ATXN7: variants seen among roughly 807,000 people sequenced by gnomAD.
ATXN7 encodes ataxin-7.
In ATXN7, 12 loss-of-function variants were observed where a neutral mutation model predicts 70.5. The ratio of observed to expected loss-of-function variants is 0.17; its 90% CI spans 0.11 to 0.28. ATXN7 has a LOEUF of 0.28. ATXN7 is among the 10% of genes least tolerant of loss of function. The pLI is 1.00. For synonymous variants in ATXN7, 498 were observed against 448.7 expected (o/e 1.11, Z -1.39); for missense variants, 1,256 against 1,131.7 (o/e 1.11, Z -1.58).
chr3:63,954,692 A>T (rs2075010919), intron 5 of ATXN7, among the ~76,000 whole-genome samples: 1 of 150,854 alleles, frequency 6.6e-6, no homozygotes, highest in Non-Finnish European at 1.5e-5. Context: ...TACGGGTAGG[A>T]AAAAGTGTTT....
At chr3:63,879,555 G>A (rs1422483152) in intron 1 of ATXN7, among the ~76,000 whole-genome samples, 3 of 149,658 alleles carry the variant, frequency 2.0e-5, no homozygotes, top group Admixed American at 6.7e-5. Flanking sequence ...ACAGTGGCGC[G>A]ATCTCGGCTC....
intron 1 of ATXN7, chr3:63,878,332 C>A (rs1389775591): frequency 6.6e-6 from 1 of 152,186 alleles, no homozygotes; most frequent in African/African-American, 2.4e-5. Flanking sequence ...TTATTCTTGA[C>A]AAGTAACAGA....
chr3:63,968,094 A>G lies in ATXN7; in HGVS notation c.500-11821A>G, dbSNP rs1280518855. 5 of 823,140 alleles carry G rather than the reference A, an allele frequency of 6.1e-6. No homozygotes were observed. In the East Asian group the frequency reaches 1.4e-4, roughly 22 times the overall value. 51.0% of individuals were successfully genotyped at this position (823,140 alleles called of 1,614,324 possible). ...TTACATAGAACCAAGCAGATTTGGG[A>G]AGAGTTTATGCAGGCCTTTTTCCTC... is the stretch of plus-strand genomic sequence containing the variant. On this transcript the variant is annotated intron_variant, in intron 5 of 12. Transcript: ENST00000674280.
intron 5 of ATXN7, chr3:63,968,017 A>C (rs1159452568): frequency 6.8e-7 from 1 of 1,471,576 alleles, no homozygotes; most frequent in African/African-American, 1.4e-5. Context: ...GGCTTGGCTC[A>C]GGGCCCAGCT....
chr3:63,987,161 A>T (rs1372742278), intron 8 of ATXN7, among the ~76,000 whole-genome samples: 2 of 152,194 alleles, frequency 1.3e-5, no homozygotes, highest in African/African-American at 4.8e-5. Flanking sequence ...TAGCAATAGT[A>T]TTAGGCTTAT....
intron 4 of ATXN7, among the ~76,000 whole-genome samples, chr3:63,934,426 T>C (rs1401218596): frequency 6.6e-6 from 1 of 152,096 alleles, no homozygotes; most frequent in East Asian, 1.9e-4. Flanking sequence ...GGAGAAATCA[T>C]ACAGTCATCC....
intron 5 of ATXN7, among the ~76,000 whole-genome samples, chr3:63,962,199 A>G (rs1240928805): frequency 6.6e-6 from 1 of 152,150 alleles, no homozygotes; most frequent in Non-Finnish European, 1.5e-5. Context: ...CTTCAAAGTA[A>G]TTTTATACCT....
In ATXN7 at chr3:63,988,174, C is replaced by G; in HGVS notation, c.1211C>G (p.Ser404Cys). Residue 404 changes from serine to cysteine, a missense_variant, in exon 9 of 13, where the codon TCT becomes TGT. Coordinates refer to ENST00000674280, the MANE Select transcript of ATXN7 (RefSeq NM_001377405.1). ...REKELIRHPD[S>C]QQPPQPLRDP... is the part of the protein sequence containing the mutation. ...AAGGAATTGATTCGCCATCCGGACT[C>G]TCAGCAACCACCGCAGCCTCTCAGG... 6.2e-7 allele frequency: 1 copy of G among 1,614,042 alleles called. No homozygotes were observed. Among genetic ancestry groups the G allele is most frequent in the Non-Finnish European group, 8.5e-7 (1 of 1,179,990 alleles).
intron 12 of ATXN7, chr3:63,998,298 T>TA: frequency 1.0e-6 from 1 of 985,304 alleles, no homozygotes; most frequent in South Asian, 4.7e-5. Flanking sequence ...TTACCAGTTT[T>TA]AAAGAGAGGC....
chr3:63,978,318 A>G lies in ATXN7; in HGVS notation c.500-1597A>G, dbSNP rs143977985. 5.9e-5 allele frequency among the ~76,000 whole-genome samples: 9 copies of G among 152,282 alleles called. No individual in the cohort carries two copies. The East Asian group carries it at 1.7e-3, about 29-fold the overall frequency. ...CACTCCTTTTCACAAGAAAAGCTTT[A>G]CTAGTCATGCAGAAGTTAATTGAAG... On this transcript the variant is annotated intron_variant, in intron 5 of 12. Transcript: ENST00000674280.
intron 11 of ATXN7, among the ~76,000 whole-genome samples, chr3:63,994,745 T>G (rs955066616): frequency 6.6e-6 from 1 of 152,222 alleles, no homozygotes; most frequent in Non-Finnish European, 1.5e-5. Flanking sequence ...TTTTGTCTTC[T>G]GCCACCTCGG....
intron 1 of ATXN7, among the ~76,000 whole-genome samples, chr3:63,876,461 C>T (rs1165160947): frequency 6.6e-6 from 1 of 152,040 alleles, no homozygotes; most frequent in Non-Finnish European, 1.5e-5. Context: ...AAAGGAATCG[C>T]TTGTTCAAAT....
At chr3:63,961,450 C>G (rs139234571) in intron 5 of ATXN7, among the ~76,000 whole-genome samples, 1 of 152,126 alleles carries the variant, frequency 6.6e-6, no homozygotes, top group Admixed American at 6.6e-5. Flanking sequence ...TATTGATTCT[C>G]CGCATGGAAC....
chr3:63,977,477 C>T (rs1274047265), intron 5 of ATXN7, among the ~76,000 whole-genome samples: 2 of 152,174 alleles, frequency 1.3e-5, no homozygotes, highest in Non-Finnish European at 2.9e-5. Flanking sequence ...CACAGACATG[C>T]TGTTCCTTTA....
At chr3:63,871,640 G>A (rs567298062) in intron 1 of ATXN7, among the ~76,000 whole-genome samples, 2 of 152,072 alleles carry the variant, frequency 1.3e-5, no homozygotes, top group South Asian at 4.2e-4. Flanking sequence ...TCTTTAAAAA[G>A]AATGATGCAG....
At chr3:63,871,497 A>C (rs776714246) in intron 1 of ATXN7, among the ~76,000 whole-genome samples, 31 of 152,354 alleles carry the variant, frequency 2.0e-4, no homozygotes, top group Admixed American at 3.9e-4. Flanking sequence ...CAGTTGGTGA[A>C]GTATGCACAG....
At chr3:63,929,084 G>A (rs1365775183) in intron 4 of ATXN7, among the ~76,000 whole-genome samples, 1 of 152,048 alleles carries the variant, frequency 6.6e-6, no homozygotes, top group African/African-American at 2.4e-5. Flanking sequence ...AAATCCTAAT[G>A]GTTAGTTGAG....
chr3:63,883,803 C>G (rs1702991811), intron 1 of ATXN7, among the ~76,000 whole-genome samples: 1 of 151,914 alleles, frequency 6.6e-6, no homozygotes, highest in African/African-American at 2.4e-5. Context: ...GAATAGCAAA[C>G]AAGTAGCATT....
chr3:63,910,027 G>C (rs561244229), intron 2 of ATXN7, among the ~76,000 whole-genome samples: 1 of 152,212 alleles, frequency 6.6e-6, no homozygotes, highest in South Asian at 2.1e-4. Flanking sequence ...ATAATGCCAA[G>C]AGGATACTTA....
Sources: allele counts gnomAD v4.1 joint callset (sites outside exome capture counted in the v4.1 genomes callset), GRCh38; gene constraint gnomAD v4.1.1; transcripts MANE v1.5; gene names NCBI Gene and HGNC (gene_info 2026-07-23, HGNC 2026-07-21).